ADGRG2: variants seen among roughly 807,000 people sequenced by gnomAD.
The protein encoded by ADGRG2 is G protein-coupled receptor 64.
In ADGRG2, 26 loss-of-function variants were observed where a neutral mutation model predicts 74.1. That is an observed-to-expected ratio of 0.35 (90% CI 0.26 to 0.49). ADGRG2 has a LOEUF of 0.49. Ranked by LOEUF, ADGRG2 falls within the 20% of genes least tolerant of loss-of-function variation. The pLI is 0.99. For missense variants in ADGRG2, 619 were observed against 763.1 expected (o/e 0.81, Z 2.22); for synonymous variants, 296 against 295.2 (o/e 1.00, Z -0.03).
intron 2 of ADGRG2, among the ~76,000 whole-genome samples, chrX:19,076,478 A>G (rs774135171): frequency 7.1e-5 from 8 of 112,040 alleles, no homozygotes; most frequent in East Asian, 2.8e-4. Flanking sequence ...CTTTTACTAT[A>G]TAAAACAGTG....
intron 3 of ADGRG2, among the ~76,000 whole-genome samples, chrX:19,048,010 G>A (rs987951495): frequency 1.8e-5 from 2 of 110,496 alleles, no homozygotes; most frequent in Non-Finnish European, 3.8e-5. Flanking sequence ...CAAGCAATCC[G>A]CAGTTCTAGG....
chrX:19,113,843 C>T (rs1243679081), intron 1 of ADGRG2, among the ~76,000 whole-genome samples: 2 of 111,183 alleles, frequency 1.8e-5, no homozygotes, highest in African/African-American at 6.5e-5. Context: ...CTGAGGCAGG[C>T]GGATCACCGG....
chrX:19,043,720 C>A (rs1334955972), intron 3 of ADGRG2, among the ~76,000 whole-genome samples: 1 of 106,951 alleles, frequency 9.4e-6, no homozygotes, highest in Admixed American at 1.0e-4. Flanking sequence ...AAGAAACTGG[C>A]CCCATCAATG....
intron 16 of ADGRG2, among the ~76,000 whole-genome samples, chrX:19,012,442 C>T (rs1053345830): frequency 1.8e-5 from 2 of 110,197 alleles, no homozygotes. Flanking sequence ...GCCATTGGAC[C>T]TTCCTTTGAC....
chrX:19,038,777 G>A (rs980989383), intron 4 of ADGRG2, among the ~76,000 whole-genome samples: 2 of 111,869 alleles, frequency 1.8e-5, no homozygotes. Flanking sequence ...ACTAGACCCA[G>A]TGTGTCCCCC....
chrX:19,068,896 C>A, intron 2 of ADGRG2, 61 bp from the exon 3 acceptor site: 1 of 519,907 alleles, frequency 1.9e-6, no homozygotes, highest in Non-Finnish European at 3.2e-6. Flanking sequence ...CACAGCAATA[C>A]CTCAAAGGTC....
At position 19,036,616 on chromosome X, in the gene ADGRG2, AACACACACACAC is replaced by A. The variant is rs534574581; in HGVS notation, c.227-651_227-640del. On this transcript the variant is annotated intron_variant, in intron 6 of 28. Coordinates refer to ENST00000379869, the MANE Select transcript of ADGRG2 (RefSeq NM_001079858.3). The stretch of plus-strand genomic sequence containing the variant: ...AAGGCATTTATTACATCATACTTAA[AACACACACACAC>A]ACACACACACACACACACACACACA... Among the ~76,000 whole-genome samples, 32 of 94,702 alleles carry A rather than the reference AACACACACACAC, an allele frequency of 3.4e-4. No individual in the cohort carries two copies. In the East Asian group the frequency reaches 6.4e-3, roughly 19 times the overall value. The allele number at this position is 94,702 out of a possible 115,157, so 82.2% of individuals were successfully genotyped here.
intron 11 of ADGRG2, among the ~76,000 whole-genome samples, chrX:19,025,741 C>G (rs183397969): frequency 9.1e-6 from 1 of 110,293 alleles, no homozygotes; most frequent in Non-Finnish European, 1.9e-5. Context: ...ACTAAAAATA[C>G]AAAAATTAGC....
chrX:19,061,066 C>T (rs896409597), intron 3 of ADGRG2, among the ~76,000 whole-genome samples: 1 of 111,727 alleles, frequency 9.0e-6, no homozygotes, highest in African/African-American at 3.3e-5. Context: ...GGAATCTTAA[C>T]GGGGAATCAG....
intron 3 of ADGRG2, among the ~76,000 whole-genome samples, chrX:19,048,911 C>T (rs748839978): frequency 8.9e-6 from 1 of 112,005 alleles, no homozygotes; most frequent in African/African-American, 3.2e-5. Flanking sequence ...AAGCGGGAGG[C>T]CGACTCACCT....
rs1266655509 is a variant in ADGRG2 at position 19,014,023 on chromosome X, T to C, written c.762A>G (p.Pro254=). 1 of 1,206,811 alleles carries C rather than the reference T, an allele frequency of 8.3e-7. No homozygotes were observed. Among genetic ancestry groups the C allele is most frequent in the Non-Finnish European group, 1.1e-6 (1 of 892,483 alleles). The change falls in exon 16 of 29, where the codon CCA becomes CCG. Residue 254 remains proline, a synonymous_variant. Transcript: ENST00000379869. ...CTGGGATGGATTGGCTGGAAGAAAA[T>C]GGTGGGCCACGTGGATGGTCAGCAA... The part of the protein sequence containing the change: ...VCLADHPRGP[P]FSSSQSIPVV...
chrX:19,011,684 A>G (rs1156731930), intron 16 of ADGRG2, among the ~76,000 whole-genome samples: 2 of 111,709 alleles, frequency 1.8e-5, no homozygotes, highest in Non-Finnish European at 3.8e-5. Context: ...TCTACTAAAA[A>G]TATTTAAAAA....
chrX:19,039,436 A>C (rs2061010555), intron 4 of ADGRG2, among the ~76,000 whole-genome samples: 1 of 112,560 alleles, frequency 8.9e-6, no homozygotes, highest in Non-Finnish European at 1.9e-5. Flanking sequence ...ATTTGCACAC[A>C]ACTACAGAAA....
intron 2 of ADGRG2, among the ~76,000 whole-genome samples, chrX:19,081,987 C>A (rs2061853154): frequency 9.9e-6 from 1 of 100,842 alleles, no homozygotes; most frequent in African/African-American, 3.7e-5. Flanking sequence ...GTGGGAGGAT[C>A]ACTTGAGCCT....
chrX:19,089,899 G>T (rs1192820959), intron 1 of ADGRG2, among the ~76,000 whole-genome samples: 2 of 111,801 alleles, frequency 1.8e-5, no homozygotes, highest in Non-Finnish European at 3.8e-5. Context: ...AATGGTTGTT[G>T]CTTTAAGCTG....
At chrX:19,053,402 G>A (rs909744382) in intron 3 of ADGRG2, among the ~76,000 whole-genome samples, 1 of 110,842 alleles carries the variant, frequency 9.0e-6, no homozygotes, top group South Asian at 3.9e-4. Context: ...AACAGGAATC[G>A]GCCTGCCAGC....
Position 18,999,896 on chromosome X carries a change from G to A in ADGRG2, c.2295C>T (p.Ser765=), listed in dbSNP as rs1274743058. ...TISPDNYGLG[S]YGKFPNGSPD... is the part of the protein sequence containing the mutation. ...GTGAACCATTGGGGAATTTCCCATA[G>A]GATCCAAGCCCATAGTTATCTGGGG... is the stretch of plus-strand genomic sequence containing the variant. Residue 765 remains serine (S), a synonymous_variant, in exon 25 of 29, where the codon TCC becomes TCT. Transcript: ENST00000379869. The A allele has an allele frequency of 8.4e-7, 1 of 1,197,051 alleles. No homozygotes were observed. The highest frequency in any genetic ancestry group is 2.2e-5 in the Admixed American group (1 of 45,995).
At chrX:18,999,353 G>A in intron 25 of ADGRG2, 74 bp from the exon 26 acceptor site, 1 of 875,967 alleles carries the variant, frequency 1.1e-6, no homozygotes, top group Non-Finnish European at 1.6e-6. Flanking sequence ...ATGATACAAT[G>A]AATCTCTAAC....
chrX:19,022,119 C>A (rs886911298), intron 13 of ADGRG2, among the ~76,000 whole-genome samples: 5 of 110,227 alleles, frequency 4.5e-5, no homozygotes, highest in South Asian at 3.9e-4. Flanking sequence ...CAAAAAGTAG[C>A]TGGGTGTGGT....
Sources: allele counts gnomAD v4.1 joint callset (sites outside exome capture counted in the v4.1 genomes callset), GRCh38; gene constraint gnomAD v4.1.1; transcripts MANE v1.5; gene names NCBI Gene and HGNC (gene_info 2026-07-23, HGNC 2026-07-21).